The following TMC2 variants were observed in gnomAD, a reference collection of about 807,000 sequenced individuals.
TMC2 encodes the protein transmembrane channel-like protein 2.
A neutral mutation model predicts 105.9 loss-of-function variants in TMC2; 102 were observed. That is an observed-to-expected ratio of 0.96 (90% CI 0.82 to 1.14). The LOEUF (loss-of-function observed/expected upper bound fraction) is 1.14. TMC2 is among the 50% of genes most tolerant of loss of function. The pLI is 0.00. For synonymous variants in TMC2, 402 were observed against 422.8 expected, an observed-to-expected ratio of 0.95 and a Z score of 0.60; for missense variants, 1,093 against 1,134.3, an observed-to-expected ratio of 0.96 and a Z score of 0.52.
rs2086446853 is a variant in TMC2, at chr20:2,612,321, G to A, written c.1724G>A (p.Trp575Ter). Residue 575 changes from tryptophan (W) to a stop codon, truncating the protein, a stop_gained, in exon 13 of 20, where the codon TGG becomes TAG. Transcript: ENST00000358864. LOFTEE classifies it high-confidence loss of function. Reference protein sequence around the residue: ...HPADVPRGSCWETAVGIEFMR... With the variant: ...HPADVPRGSC Reference sequence around the variant, plus strand: ...GCAGATGTGCCCCGGGGTTCTTGCTGGGAGACAGCTGTGGGCATTGTGAGT... The same window carrying A: ...GCAGATGTGCCCCGGGGTTCTTGCTAGGAGACAGCTGTGGGCATTGTGAGT... 1.9e-6 allele frequency: 3 copies of A among 1,583,336 alleles called. No homozygotes were observed. In the South Asian group the frequency reaches 3.5e-5, roughly 18 times the overall value.
At chr20:2,618,737 A>G (rs1381921840) in intron 16 of TMC2, among the ~76,000 whole-genome samples, 1 of 152,132 alleles carries the variant, frequency 6.6e-6, no homozygotes, top group African/African-American at 2.4e-5. Flanking sequence ...CCCTCTGCCA[A>G]CTCCGTAAAG....
At chr20:2,537,137 T>A in intron 1 of TMC2, 132 bp from the exon 2 acceptor site, 1 of 761,780 alleles carries the variant, frequency 1.3e-6, no homozygotes, top group Non-Finnish European at 2.3e-6. Context: ...ATTTGCTGAG[T>A]AAAATCATTG....
chr20:2,604,896 T>A (rs1037553741), intron 11 of TMC2, among the ~76,000 whole-genome samples: 6 of 152,232 alleles, frequency 3.9e-5, no homozygotes, highest in African/African-American at 1.4e-4. Context: ...CTGAGTTATA[T>A]CCTTTGAAAT....
chr20:2,598,838 C>A (rs1181496144), intron 10 of TMC2, among the ~76,000 whole-genome samples: 1 of 151,892 alleles, frequency 6.6e-6, no homozygotes. Flanking sequence ...GGTATAAAAA[C>A]AGGCATGGGG....
intron 9 of TMC2, 89 bp downstream of exon 9, chr20:2,595,056 G>C (rs1211931244): frequency 7.0e-7 from 1 of 1,426,076 alleles, no homozygotes; most frequent in Non-Finnish European, 9.6e-7. Context: ...CTTCTGGTGG[G>C]GCATTCAGAG....
At chr20:2,591,849 A>G (rs2086271572) in intron 7 of TMC2, among the ~76,000 whole-genome samples, 1 of 152,148 alleles carries the variant, frequency 6.6e-6, no homozygotes, top group African/African-American at 2.4e-5. Flanking sequence ...AAAGCGATCA[A>G]TGTTATTTAA....
chr20:2,536,791 T>G, intron 1 of TMC2, 136 bp downstream of exon 1: 1 of 876,414 alleles, frequency 1.1e-6, no homozygotes, highest in Non-Finnish European at 1.9e-6. Flanking sequence ...CCCTGTGCGC[T>G]GAGCGACCTC....
At chr20:2,580,530 C>G (rs55665010) in intron 7 of TMC2, among the ~76,000 whole-genome samples, 16,226 of 151,936 alleles carry the variant, frequency 0.11, 986 homozygotes, top group African/African-American at 0.15. Context: ...TATTTATCAC[C>G]AAAAAAACTT....
intron 2 of TMC2, among the ~76,000 whole-genome samples, chr20:2,546,568 T>C (rs1322280644): frequency 6.6e-6 from 1 of 152,120 alleles, no homozygotes; most frequent in Non-Finnish European, 1.5e-5. Flanking sequence ...ATCTTTAGCT[T>C]GAGGTCACCA....
At chr20:2,582,661 A>G (rs1057078627) in intron 7 of TMC2, among the ~76,000 whole-genome samples, 4 of 152,026 alleles carry the variant, frequency 2.6e-5, no homozygotes, top group African/African-American at 9.7e-5. Flanking sequence ...TTTTTAGTAG[A>G]GATGGGGTTT....
intron 2 of TMC2, among the ~76,000 whole-genome samples, chr20:2,543,460 G>A (rs73892477): frequency 0.041 from 6,199 of 152,226 alleles, 394 homozygotes; most frequent in African/African-American, 0.14. Flanking sequence ...ATGAGACTGG[G>A]TGAGAATCAC....
In TMC2 at chr20:2,592,139, T is replaced by A. The variant is rs775555631; in HGVS notation, c.835-171T>A. 6.6e-6 allele frequency among the ~76,000 whole-genome samples: 1 copy of A among 151,812 alleles called. No homozygotes were observed. The highest frequency in any genetic ancestry group is 1.5e-5 in the Non-Finnish European group (1 of 67,950). On this transcript the variant is annotated intron_variant, in intron 7 of 19. Coordinates refer to ENST00000358864, the MANE Select transcript of TMC2 (RefSeq NM_080751.3). The surrounding 1 kb of genome is among the most constrained non-coding windows in gnomAD (Gnocchi z 4.9). ...TGCACTCCAGCCTGGGTGACAAGAG[T>A]GAAACTCCATCTCAAAAAATAAAAA...
chr20:2,602,353 A>C, intron 11 of TMC2, 52 bp downstream of exon 11: 1 of 1,378,098 alleles, frequency 7.3e-7, no homozygotes, highest in Non-Finnish European at 9.9e-7. Context: ...TACTGAAATC[A>C]CTGGTTCCTA....
chr20:2,572,312 C>A, intron 5 of TMC2, 43 bp downstream of exon 5: 2 of 1,509,722 alleles, frequency 1.3e-6, no homozygotes, highest in Middle Eastern at 1.8e-4. Context: ...AGGGCTTGCT[C>A]AGCTTTGGAA....
At chr20:2,626,003 T>A (rs2086561910) in intron 17 of TMC2, among the ~76,000 whole-genome samples, 1 of 152,218 alleles carries the variant, frequency 6.6e-6, no homozygotes, top group East Asian at 1.9e-4. Context: ...CTCTTGTTTA[T>A]CCTCAGCCCT....
chr20:2,538,322 C>A (rs561361924), intron 2 of TMC2, among the ~76,000 whole-genome samples: 1 of 152,310 alleles, frequency 6.6e-6, no homozygotes, highest in South Asian at 2.1e-4. Context: ...TATCCCGGAA[C>A]TTGCCTCAGC....
At chr20:2,602,056 C>A in intron 10 of TMC2, 57 bp from the exon 11 acceptor site, 1 of 1,317,168 alleles carries the variant, frequency 7.6e-7, no homozygotes, top group South Asian at 1.4e-5. Flanking sequence ...ACCCAACAGC[C>A]ATGGTTCTGG....
Position 2,561,860 on chromosome 20 carries a change from C to T in TMC2, c.404C>T (p.Ser135Leu). 5 of 1,613,134 alleles carry T rather than the reference C, an allele frequency of 3.1e-6. No individual in the cohort carries two copies. Among genetic ancestry groups the T allele is most frequent in the Non-Finnish European group, 4.2e-6 (5 of 1,179,564 alleles). Reference protein sequence around the residue: ...EKSKRQKKPRSSSLASSASGG... With the variant: ...EKSKRQKKPRLSSLASSASGG... ...CTCCGCCCTGGCTCTGCCTCCAGGT[C>T]ATCCTCCTTGGCCTCCAGTGCCTCT... The change falls in exon 4 of 20, where the codon TCA (serine) becomes TTA (leucine). Residue 135 changes from serine to leucine, a missense_variant and splice_region_variant. Coordinates refer to ENST00000358864, the MANE Select transcript of TMC2 (RefSeq NM_080751.3).
intron 5 of TMC2, among the ~76,000 whole-genome samples, chr20:2,572,715 G>A (rs1179315402): frequency 1.3e-5 from 2 of 151,954 alleles, no homozygotes; most frequent in African/African-American, 4.8e-5. Context: ...TTTAAGTTAG[G>A]GTAATGTTTC....
Sources: gnomAD v4.1 joint callset for allele counts (sites outside exome capture counted in the v4.1 genomes callset) on GRCh38, gnomAD v4.1.1 for gene constraint, Gnocchi (gnomAD v3.1) non-coding constraint, MANE v1.5 for transcripts, NCBI Gene and HGNC (gene_info 2026-07-23, HGNC 2026-07-21) for gene names.